The following PDIA6 variants were observed in gnomAD, a reference collection of about 807,000 sequenced individuals.
PDIA6 encodes the protein protein disulfide isomerase family A member 6, also known as protein disulfide-isomerase A6.
In PDIA6, 29 loss-of-function variants were observed where a neutral mutation model predicts 58.4. The observed-to-expected ratio is 0.50, with a 90% CI of 0.37 to 0.68. The LOEUF is 0.68. PDIA6 is among the 30% of genes least tolerant of loss of function. PDIA6 has a pLI of 0.00. For missense variants in PDIA6, 480 were observed against 551.0 expected, an observed-to-expected ratio of 0.87 and a Z score of 1.29; for synonymous variants, 192 against 202.6, an observed-to-expected ratio of 0.95 and a Z score of 0.44.
At chr2:10,803,675 A>AACTG (rs76746378) in intron 1 of PDIA6, among the ~76,000 whole-genome samples, 73,930 of 151,722 alleles carry the variant, frequency 0.49, 19,547 homozygotes, top group South Asian at 0.58. Context: ...ACAAATTCTG[A>AACTG]ACTTACTAGT....
intron 1 of PDIA6, among the ~76,000 whole-genome samples, chr2:10,827,823 CA>C (rs5829279): frequency 9.1e-5 from 11 of 120,332 alleles, no homozygotes; most frequent in African/African-American, 1.1e-4. Flanking sequence ...GACTCTGTCT[CA>C]AAAAAAAAAA....
At chr2:10,835,924 G>A (rs1195116153), upstream of PDIA6, among the ~76,000 whole-genome samples, 4 of 152,064 alleles carry the variant, frequency 2.6e-5, no homozygotes, top group Non-Finnish European at 5.9e-5. Context: ...GGTGGCGGGC[G>A]CCTGTAATCC....
intron 1 of PDIA6, among the ~76,000 whole-genome samples, chr2:10,804,042 G>A (rs1406371087): frequency 6.0e-5 from 9 of 151,068 alleles, no homozygotes; most frequent in East Asian, 2.0e-4. Flanking sequence ...CTGAGTAACC[G>A]GGACTACAGG....
chr2:10,837,689 C>G (rs559829211), exon 1 of PDIA6: 154 of 1,510,322 alleles, frequency 1.0e-4, no homozygotes, highest in Non-Finnish European at 1.3e-4. Flanking sequence ...GGTCTCAAGC[C>G]TGGGCAGCCT....
chr2:10,784,199 C>A lies in PDIA6; in HGVS notation c.*59G>T. The A allele has an allele frequency of 7.2e-7, 1 of 1,381,000 alleles. No homozygotes were observed. Among genetic ancestry groups the A allele is most frequent in the South Asian group, 1.2e-5 (1 of 81,124 alleles). The allele number at this position is 1,381,000 out of a possible 1,614,324, so 85.5% of individuals were successfully genotyped here. On this transcript the variant is annotated 3_prime_UTR_variant, in exon 13 of 13. Coordinates refer to ENST00000272227, the MANE Select transcript of PDIA6 (RefSeq NM_005742.4). ...GAGTGTAGAGAATGTCCCTTCACTGCTGGAAAAATCCACTGGCTCCCAAGA... is the reference window on the plus strand; with the variant it reads ...GAGTGTAGAGAATGTCCCTTCACTGATGGAAAAATCCACTGGCTCCCAAGA...
upstream of PDIA6, among the ~76,000 whole-genome samples, chr2:10,817,675 G>A (rs1380218233): frequency 1.3e-5 from 2 of 152,358 alleles, no homozygotes; most frequent in East Asian, 3.9e-4. Flanking sequence ...AGGCGGAATT[G>A]TTGGACTTGG....
intron 1 of PDIA6, among the ~76,000 whole-genome samples, chr2:10,806,209 A>T (rs554787244): frequency 2.0e-5 from 3 of 151,178 alleles, no homozygotes; most frequent in African/African-American, 4.9e-5. Flanking sequence ...CTCTAAAAAA[A>T]GTACAAAAAT....
chr2:10,799,200 T>TTTA (rs1479625075), intron 2 of PDIA6, among the ~76,000 whole-genome samples: 2 of 43,076 alleles, frequency 4.6e-5, no homozygotes, highest in African/African-American at 9.0e-5. Context: ...AGCTATACTG[T>TTTA]TTATTTTTAT....
At chr2:10,792,603 G>A (rs753369630) in intron 5 of PDIA6, among the ~76,000 whole-genome samples, 4 of 152,206 alleles carry the variant, frequency 2.6e-5, no homozygotes, top group Non-Finnish European at 4.4e-5. Flanking sequence ...GAACATCAGT[G>A]TAAGCTTCAC....
At chr2:10,803,329 G>T (rs1324821609) in intron 1 of PDIA6, among the ~76,000 whole-genome samples, 1 of 152,120 alleles carries the variant, frequency 6.6e-6, no homozygotes, top group Non-Finnish European at 1.5e-5. Flanking sequence ...GGCTAATTTT[G>T]TATTTTTAAT....
chr2:10,804,002 G>A (rs371230827), intron 1 of PDIA6, among the ~76,000 whole-genome samples: 28 of 146,226 alleles, frequency 1.9e-4, no homozygotes, highest in East Asian at 1.8e-3. Context: ...TCTGCCACCC[G>A]GGTTCACGCC....
At chr2:10,806,628 C>CAAAGAAAGACAGAAAGAGAGAA (rs142782761) in intron 1 of PDIA6, among the ~76,000 whole-genome samples, 3 of 70,426 alleles carry the variant, frequency 4.3e-5, no homozygotes, top group East Asian at 4.5e-4. Context: ...AAAATAAAGA[C>CAAAGAAAGACAGAAAGAGAGAA]AGAAAGAAAG....
chr2:10,821,077 C>T, intron 1 of PDIA6: 1 of 506,558 alleles, frequency 2.0e-6, no homozygotes, highest in Non-Finnish European at 3.5e-6. Flanking sequence ...TTTAAAACAG[C>T]CTTCGGAGAT....
chr2:10,820,810 C>G (rs1199538614), intron 1 of PDIA6: 1 of 703,026 alleles, frequency 1.4e-6, no homozygotes, highest in Non-Finnish European at 2.6e-6. Context: ...GGGACCTCAA[C>G]TGGGGCCAGT....
At chr2:10,830,283 A>T (rs1469192908) in intron 1 of PDIA6, among the ~76,000 whole-genome samples, 3 of 152,138 alleles carry the variant, frequency 2.0e-5, no homozygotes, top group African/African-American at 7.2e-5. Flanking sequence ...GAATGAATGA[A>T]CGCATCCGTG....
At chr2:10,786,317 G>T (rs559755892) in intron 11 of PDIA6, among the ~76,000 whole-genome samples, 23 of 124,576 alleles carry the variant, frequency 1.8e-4, no homozygotes, top group Non-Finnish European at 2.7e-4. Context: ...TGTCTCGGGG[G>T]TGGGGGGGAA....
intron 10 of PDIA6, among the ~76,000 whole-genome samples, chr2:10,787,959 A>C (rs1447424751): frequency 6.6e-6 from 1 of 151,226 alleles, no homozygotes; most frequent in African/African-American, 2.4e-5. Flanking sequence ...CCAGCTACGC[A>C]GGAGGCTAAG....
chr2:10,820,607 C>T (rs180786908), intron 1 of PDIA6, among the ~76,000 whole-genome samples: 1 of 152,132 alleles, frequency 6.6e-6, no homozygotes, highest in Non-Finnish European at 1.5e-5. Flanking sequence ...GGCTATTCTT[C>T]GTTAGGAAAA....
At chr2:10,785,073 G>T (rs1437267168) in intron 11 of PDIA6, 43 bp from the exon 12 acceptor site, 3 of 1,282,180 alleles carry the variant, frequency 2.3e-6, no homozygotes, top group Non-Finnish European at 3.3e-6. Context: ...ATTTACAATG[G>T]ACTGCTGGTG....
Sources: gnomAD v4.1 joint callset for allele counts (sites outside exome capture counted in the v4.1 genomes callset) on GRCh38, gnomAD v4.1.1 for gene constraint, MANE v1.5 for transcripts, NCBI Gene and HGNC (gene_info 2026-07-23, HGNC 2026-07-21) for gene names.